The following EYA4 variants were observed in gnomAD, a reference collection of about 807,000 sequenced individuals.
The protein encoded by EYA4 is EYA transcriptional coactivator and phosphatase 4, also known as protein phosphatase EYA4.
A neutral mutation model predicts 87.9 loss-of-function variants in EYA4; 31 were observed. The ratio of observed to expected loss-of-function variants is 0.35; its 90% CI spans 0.27 to 0.48. The LOEUF (loss-of-function observed/expected upper bound fraction) is 0.48, where lower values mean the gene tolerates loss of function less well. EYA4 is among the 20% of genes least tolerant of loss of function. The probability of loss-of-function intolerance (pLI) is 0.99; values close to 1 mark genes in which losing one functional copy is unlikely to be tolerated. For missense variants in EYA4, 678 were observed against 761.4 expected (o/e 0.89, Z 1.29); for synonymous variants, 263 against 270.6 (o/e 0.97, Z 0.28).
rs73557710 is a variant in EYA4, at chr6:133,256,766, C to T, written c.-66+15017C>T. ...CAGTTTTAAAATGAAGTATATTAAT[C>T]AGTTGATTTTGTTGTTCGATTTTTA... On this transcript the variant is annotated intron_variant, in intron 1 of 19. Coordinates refer to ENST00000355286, the MANE Select transcript of EYA4 (RefSeq NM_004100.5). Among the ~76,000 whole-genome samples the T allele has an allele frequency of 7.0e-3, 1,065 of 152,084 alleles. 17 individuals carry two copies. Among genetic ancestry groups the T allele is most frequent in the African/African-American group, 0.024 (998 of 41,490 alleles).
chr6:133,253,142 CAG>C (rs569099281), intron 1 of EYA4, among the ~76,000 whole-genome samples: 217 of 152,010 alleles, frequency 1.4e-3, no homozygotes, highest in Admixed American at 3.2e-3. Context: ...TCCTTGTTAG[CAG>C]AGAGATAAAG....
rs1211851165 is a variant in EYA4 at position 133,504,253 on chromosome 6, T to TA, written c.1192-1852dup. 5.9e-5 allele frequency among the ~76,000 whole-genome samples: 9 copies of TA among 152,314 alleles called. No homozygotes were observed. In the East Asian group the frequency reaches 1.5e-3, roughly 26 times the overall value. The stretch of plus-strand genomic sequence containing the variant: ...TAATTTTATTCTTGTTTTTAATGAA[T>TA]ATTTGTTGGCTAAAACAGAACTGAT... On this transcript the variant is annotated intron_variant, in intron 13 of 19. Transcript: ENST00000355286.
At chr6:133,410,782 C>T (rs913420649) in intron 3 of EYA4, among the ~76,000 whole-genome samples, 5 of 151,746 alleles carry the variant, frequency 3.3e-5, no homozygotes, top group Non-Finnish European at 5.9e-5. Context: ...GGTTCCCTAG[C>T]GGGCCTGTTA....
intron 1 of EYA4, among the ~76,000 whole-genome samples, chr6:133,251,174 T>C (rs1027912585): frequency 6.6e-6 from 1 of 152,244 alleles, no homozygotes; most frequent in Non-Finnish European, 1.5e-5. Flanking sequence ...ATCTGTGTGG[T>C]TCCTTAACTA....
At chr6:133,299,925 C>CTATATATA (rs1779247306) in intron 2 of EYA4, among the ~76,000 whole-genome samples, 1 of 142,648 alleles carries the variant, frequency 7.0e-6, no homozygotes, top group African/African-American at 2.7e-5. Flanking sequence ...ATATAAAGAT[C>CTATATATA]TCTATCTATC....
intron 1 of EYA4, among the ~76,000 whole-genome samples, chr6:133,271,127 C>T (rs1363205881): frequency 6.6e-6 from 1 of 152,058 alleles, no homozygotes; most frequent in Admixed American, 6.5e-5. Context: ...ACCCTTGATT[C>T]GTGAACCCGT....
At chr6:133,357,794 T>G (rs1784181026) in intron 2 of EYA4, among the ~76,000 whole-genome samples, 1 of 152,186 alleles carries the variant, frequency 6.6e-6, no homozygotes, top group South Asian at 2.1e-4. Context: ...GTCTTTCTGA[T>G]AGTTTTTCCT....
chr6:133,523,122 C>G lies in EYA4; in HGVS notation c.1683C>G (p.Leu561=). 1 of 1,612,334 alleles carries G rather than the reference C, an allele frequency of 6.2e-7. No homozygotes were observed. ...QLIPALAKVL[L]YSLGGAFPIE... Reference sequence around the variant, plus strand: ...TCCCAGCACTTGCGAAGGTTCTACTCTATAGTTTAGGAGGTGCTTTCCCCA... The same window carrying G: ...TCCCAGCACTTGCGAAGGTTCTACTGTATAGTTTAGGAGGTGCTTTCCCCA... Residue 561 remains leucine, a synonymous_variant, in exon 18 of 20, where the codon CTC becomes CTG. Coordinates refer to ENST00000355286, the MANE Select transcript of EYA4 (RefSeq NM_004100.5).
chr6:133,391,222 G>GTTTTTTT (rs531819011), intron 3 of EYA4, among the ~76,000 whole-genome samples: 16 of 89,808 alleles, frequency 1.8e-4, no homozygotes, highest in South Asian at 7.9e-4. Flanking sequence ...TTTTGTTTTT[G>GTTTTTTT]TTTTTTTTTT....
intron 3 of EYA4, among the ~76,000 whole-genome samples, chr6:133,441,299 T>C (rs1270203408): frequency 7.2e-5 from 11 of 152,214 alleles, no homozygotes; most frequent in Non-Finnish European, 1.6e-4. Flanking sequence ...TATATTGTTA[T>C]TTTCATTCTA....
At chr6:133,345,856 C>T (rs1783153134) in intron 2 of EYA4, among the ~76,000 whole-genome samples, 1 of 152,184 alleles carries the variant, frequency 6.6e-6, no homozygotes, top group African/African-American at 2.4e-5. Flanking sequence ...TTTTCTTCTG[C>T]ACACTGCTAT....
At chr6:133,263,313 A>G (rs1775946120) in intron 1 of EYA4, among the ~76,000 whole-genome samples, 1 of 152,230 alleles carries the variant, frequency 6.6e-6, no homozygotes, top group Non-Finnish European at 1.5e-5. Flanking sequence ...AGCAACAGGA[A>G]GAGCAGAGAA....
Position 133,483,119 on chromosome 6 carries a change from A to AT in EYA4, c.1191+4_1191+5insT, listed in dbSNP as rs1354885794. 6.3e-6 allele frequency: 10 copies of AT among 1,594,652 alleles called. No homozygotes were observed. Among genetic ancestry groups the AT allele is most frequent in the Non-Finnish European group, 8.6e-6 (10 of 1,162,806 alleles). The stretch of plus-strand genomic sequence containing the variant: ...TTATGCACAGAAGTATGGCAAGGTA[A>AT]GAAATCAAGAAATGTTACTCCAAGA... On this transcript the variant is annotated splice_donor_region_variant and intron_variant, in intron 13 of 19. Coordinates refer to ENST00000355286, the MANE Select transcript of EYA4 (RefSeq NM_004100.5).
At chr6:133,302,807 T>C (rs1779515515) in intron 2 of EYA4, among the ~76,000 whole-genome samples, 1 of 152,248 alleles carries the variant, frequency 6.6e-6, no homozygotes, top group Non-Finnish European at 1.5e-5. Flanking sequence ...TCGTAGAATT[T>C]TAAATGTTTG....
At chr6:133,319,517 T>C (rs1780889008) in intron 2 of EYA4, among the ~76,000 whole-genome samples, 1 of 151,922 alleles carries the variant, frequency 6.6e-6, no homozygotes. Context: ...GTCCCTTTTT[T>C]TTTTTACCAG....
intron 3 of EYA4, among the ~76,000 whole-genome samples, chr6:133,430,819 A>G (rs1791117948): frequency 6.6e-6 from 1 of 152,242 alleles, no homozygotes; most frequent in Non-Finnish European, 1.5e-5. Context: ...CTCATAGAGT[A>G]TACATTCTAG....
chr6:133,354,613 A>G (rs1408249713), intron 2 of EYA4, among the ~76,000 whole-genome samples: 1 of 152,200 alleles, frequency 6.6e-6, no homozygotes, highest in African/African-American at 2.4e-5. Flanking sequence ...GATTCTAAAT[A>G]TGTACTAATT....
Position 133,515,430 on chromosome 6 carries a change from C to A in EYA4, c.1611C>A (p.Ser537Arg). The change falls in exon 17 of 20, where the codon AGC (serine) becomes AGA (arginine). Residue 537 changes from serine (S) to arginine (R), a missense_variant. Physicochemically the swap from Ser to Arg is moderately radical, Grantham distance 110 (BLOSUM62 -1). Transcript: ENST00000355286. ...TNALKSLSII[S>R]TRSNCINVLV... Reference sequence around the variant, plus strand: ...CACTTAAGTCTTTATCAATTATTAGCACTAGGTAAGTGGAATTGTTACCTT... The same window carrying A: ...CACTTAAGTCTTTATCAATTATTAGAACTAGGTAAGTGGAATTGTTACCTT... 2 of 1,537,058 alleles carry A rather than the reference C, an allele frequency of 1.3e-6. No homozygotes were observed. The highest frequency in any genetic ancestry group is 1.8e-6 in the Non-Finnish European group (2 of 1,109,854).
chr6:133,350,448 A>G (rs9399061), intron 2 of EYA4, among the ~76,000 whole-genome samples: 27,418 of 151,994 alleles, frequency 0.18, 2,712 homozygotes, highest in East Asian at 0.35. Flanking sequence ...GTATGTTTGA[A>G]ATGGGGACTT....
Sources: gnomAD v4.1 joint callset for allele counts (sites outside exome capture counted in the v4.1 genomes callset) on GRCh38, gnomAD v4.1.1 for gene constraint, MANE v1.5 for transcripts, NCBI Gene and HGNC (gene_info 2026-07-23, HGNC 2026-07-21) for gene names.